Variants in ENTHD1 observed in about 807,000 individuals in gnomAD.
ENTHD1 encodes ENTH domain containing 1.
A neutral mutation model predicts 39.1 loss-of-function variants in ENTHD1; 23 were observed. The ratio of observed to expected loss-of-function variants is 0.59; its 90% CI spans 0.42 to 0.83. The LOEUF is 0.83. ENTHD1 is among the 40% of genes least tolerant of loss of function. ENTHD1 has a pLI of 0.00. For synonymous variants in ENTHD1, 230 were observed against 258.2 expected, an observed-to-expected ratio of 0.89 and a Z score of 1.05; for missense variants, 624 against 705.4, an observed-to-expected ratio of 0.88 and a Z score of 1.31.
At chr22:39,892,035 T>A (rs1432034983) in intron 1 of ENTHD1, among the ~76,000 whole-genome samples, 1 of 152,180 alleles carries the variant, frequency 6.6e-6, no homozygotes, top group Non-Finnish European at 1.5e-5. Flanking sequence ...CTCATAATTG[T>A]CAAGTAAAAT....
At chr22:39,863,268 GTTACC>G (rs996454428) in intron 2 of ENTHD1, among the ~76,000 whole-genome samples, 5 of 152,196 alleles carry the variant, frequency 3.3e-5, no homozygotes, top group African/African-American at 9.6e-5. Flanking sequence ...GTTAACATCT[GTTACC>G]TTACAGGGGT....
intron 5 of ENTHD1, among the ~76,000 whole-genome samples, chr22:39,774,345 C>T (rs971023142): frequency 1.3e-5 from 2 of 152,094 alleles, no homozygotes; most frequent in African/African-American, 4.8e-5. Flanking sequence ...TAGATGGTCA[C>T]CTGTGGGCAA....
chr22:39,803,084 G>T (rs913688887), intron 5 of ENTHD1, among the ~76,000 whole-genome samples: 21 of 151,942 alleles, frequency 1.4e-4, no homozygotes, highest in African/African-American at 3.1e-4. Context: ...TCCCTCCTCT[G>T]CTTCTTATGT....
At chr22:39,860,823 C>T (rs1233518964) in intron 3 of ENTHD1, among the ~76,000 whole-genome samples, 1 of 152,124 alleles carries the variant, frequency 6.6e-6, no homozygotes, top group Non-Finnish European at 1.5e-5. Context: ...GAAGTTAGAG[C>T]AAAATGACAT....
chr22:39,780,539 GTAACT>G (rs2065400869), intron 5 of ENTHD1, among the ~76,000 whole-genome samples: 1 of 152,128 alleles, frequency 6.6e-6, no homozygotes, highest in Non-Finnish European at 1.5e-5. Context: ...GATACTCCAT[GTAACT>G]GGAAACCAAA....
At chr22:39,774,574 C>T (rs565497838) in intron 5 of ENTHD1, among the ~76,000 whole-genome samples, 1 of 152,284 alleles carries the variant, frequency 6.6e-6, no homozygotes, top group African/African-American at 2.4e-5. Flanking sequence ...CTCCAGCTTA[C>T]CCCCTCAGTC....
At chr22:39,857,127 A>G (rs1318373719) in intron 3 of ENTHD1, among the ~76,000 whole-genome samples, 3 of 152,124 alleles carry the variant, frequency 2.0e-5, no homozygotes, top group Non-Finnish European at 4.4e-5. Context: ...AAAGATGGAG[A>G]ATATCATTTT....
Position 39,887,538 on chromosome 22 carries a change from C to T in ENTHD1, c.211G>A (p.Val71Met), listed in dbSNP as rs1479172137. Residue 71 changes from valine (V) to methionine (M), a missense_variant, in exon 2 of 7, where the codon GTG becomes ATG. By Grantham distance (21) the Val-to-Met change is conservative. Coordinates refer to ENST00000325157, the MANE Select transcript of ENTHD1 (RefSeq NM_152512.4). ...LNDHGKNWRH[V>M]YKSLTLMDYL... ...TCCATTAGGGTAAGGGATTTATACA[C>T]GTGGCGCCAGTTCTTCCCATGGTCA... 6 of 1,614,182 alleles carry T rather than the reference C, an allele frequency of 3.7e-6. No individual in the cohort carries two copies. The highest frequency in any genetic ancestry group is 1.6e-4 in the Middle Eastern group (1 of 6,062).
At chr22:39,781,292 G>C (rs1448802493) in intron 5 of ENTHD1, among the ~76,000 whole-genome samples, 3 of 151,960 alleles carry the variant, frequency 2.0e-5, no homozygotes, top group African/African-American at 7.2e-5. Flanking sequence ...CAAAAAAGTA[G>C]AACTAATATA....
rs866564868 is a variant in ENTHD1, at chr22:39,799,526, C to A, written c.832+21467G>T. ...TATTAAGTGAAAAGAAAGGTCTCAA[C>A]AAAAAAAGACGGGTCCTGCACGCAG... is the stretch of plus-strand genomic sequence containing the variant. On this transcript the variant is annotated intron_variant, in intron 5 of 6. Transcript: ENST00000325157. Among the ~76,000 whole-genome samples, 3 of 152,072 alleles carry A rather than the reference C, an allele frequency of 2.0e-5. No individual in the cohort carries two copies. The South Asian group carries it at 6.2e-4, about 32-fold the overall frequency.
In ENTHD1 at chr22:39,744,245, A is replaced by C; in HGVS notation, c.1258T>G (p.Leu420Val). ...GCTAAATCAGGAGATGACATGGATA[A>C]AGGAGAAAAGGAAGATGCTCCCTCA... ...ASEGASSFSP[L>V]SMSSPDLASP... is the part of the protein sequence containing the mutation. Residue 420 changes from leucine to valine, a missense_variant, in exon 7 of 7, where the codon TTA becomes GTA. Physicochemically the swap from Leu to Val is conservative, Grantham distance 32. Coordinates refer to ENST00000325157, the MANE Select transcript of ENTHD1 (RefSeq NM_152512.4). The C allele has an allele frequency of 1.2e-6, 2 of 1,607,066 alleles. No individual in the cohort carries two copies. The highest frequency in any genetic ancestry group is 1.7e-6 in the Non-Finnish European group (2 of 1,177,780).
rs565365698 is a variant in ENTHD1, at chr22:39,867,505, T to C, written c.350-5498A>G. ...CCCAAATTCAGTTATCCACGTCTAT[T>C]GACTATACCCACTAATTATCTTCCA... On this transcript the variant is annotated intron_variant, in intron 2 of 6. Coordinates refer to ENST00000325157, the MANE Select transcript of ENTHD1 (RefSeq NM_152512.4). The surrounding 1 kb of genome is among the most constrained non-coding windows in gnomAD (Gnocchi z 4.5). Among the ~76,000 whole-genome samples, 2 of 152,298 alleles carry C rather than the reference T, an allele frequency of 1.3e-5. No homozygotes were observed. The highest frequency in any genetic ancestry group is 4.2e-4 in the South Asian group (2 of 4,818).
At chr22:39,756,787 T>C (rs1208381797) in intron 6 of ENTHD1, among the ~76,000 whole-genome samples, 1 of 152,174 alleles carries the variant, frequency 6.6e-6, no homozygotes, top group Non-Finnish European at 1.5e-5. Flanking sequence ...AATCAGAGGG[T>C]CAATATTTCA....
intron 5 of ENTHD1, among the ~76,000 whole-genome samples, chr22:39,797,610 T>C (rs183120507): frequency 6.6e-6 from 1 of 152,248 alleles, no homozygotes; most frequent in East Asian, 1.9e-4. Flanking sequence ...CCCTTAAGTA[T>C]TTCTTGTAGG....
chr22:39,861,411 G>C (rs946336589), intron 3 of ENTHD1, among the ~76,000 whole-genome samples: 1 of 152,032 alleles, frequency 6.6e-6, no homozygotes, highest in Non-Finnish European at 1.5e-5. Flanking sequence ...ATGGTGATGG[G>C]TGCCTGTAAT....
intron 5 of ENTHD1, among the ~76,000 whole-genome samples, chr22:39,809,182 TG>T (rs2065666676): frequency 6.6e-6 from 1 of 152,198 alleles, no homozygotes; most frequent in African/African-American, 2.4e-5. Context: ...CTGTATGCAA[TG>T]GCTTGAAAAG....
intron 6 of ENTHD1, among the ~76,000 whole-genome samples, chr22:39,762,887 G>A (rs1270285955): frequency 1.3e-5 from 2 of 152,006 alleles, no homozygotes; most frequent in East Asian, 1.9e-4. Flanking sequence ...CTGTGGATCT[G>A]TTTCTGTTGT....
At chr22:39,840,395 T>C (rs2065934774) in intron 3 of ENTHD1, among the ~76,000 whole-genome samples, 1 of 152,214 alleles carries the variant, frequency 6.6e-6, no homozygotes, top group Non-Finnish European at 1.5e-5. Flanking sequence ...AACCCTCCGA[T>C]ATTTCTTAGA....
intron 6 of ENTHD1, among the ~76,000 whole-genome samples, chr22:39,760,082 TAAAA>T (rs896985268): frequency 9.9e-5 from 15 of 151,836 alleles, no homozygotes; most frequent in African/African-American, 3.6e-4. Context: ...AAAAGAATGT[TAAAA>T]AAAAGAAAAA....
Sources: allele counts gnomAD v4.1 joint callset (sites outside exome capture counted in the v4.1 genomes callset), GRCh38; gene constraint gnomAD v4.1.1; non-coding constraint Gnocchi (gnomAD v3.1); transcripts MANE v1.5; gene names NCBI Gene and HGNC (gene_info 2026-07-23, HGNC 2026-07-21).